The following LIMD1 variants were observed in gnomAD, a reference collection of about 807,000 sequenced individuals.
The protein encoded by LIMD1 is LIM domain containing 1.
In LIMD1, 23 loss-of-function variants were observed where a neutral mutation model predicts 58.4. The ratio of observed to expected loss-of-function variants is 0.39; its 90% CI spans 0.28 to 0.56. The LOEUF (loss-of-function observed/expected upper bound fraction) is 0.56, where lower values mean the gene tolerates loss of function less well. Among genes scored for constraint, LIMD1 ranks in the 20% least tolerant of loss-of-function variants. The pLI is 0.57. For missense variants in LIMD1, 838 were observed against 855.5 expected, an observed-to-expected ratio of 0.98 and a Z score of 0.25; for synonymous variants, 334 against 345.5, an observed-to-expected ratio of 0.97 and a Z score of 0.37.
intron 2 of LIMD1, among the ~76,000 whole-genome samples, chr3:45,649,371 CA>C (rs540594392): frequency 1.2e-3 from 178 of 151,984 alleles, no homozygotes; most frequent in African/African-American, 4.2e-3. Flanking sequence ...ATCTTTCTTT[CA>C]TTTTTTTATT....
rs1042623839 is a variant in LIMD1, at chr3:45,682,522, T to G, written c.*5463T>G. The G allele has an allele frequency of 1.3e-5, 2 of 152,480 alleles. No individual in the cohort carries two copies. The highest frequency in any genetic ancestry group is 2.9e-5 in the Non-Finnish European group (2 of 68,128). 9.4% of individuals were successfully genotyped at this position (152,480 alleles called of 1,614,324 possible). ...GGGTATCTGGTCTGGTTCTAAGTGC[T>G]GTGATGAAGCAGTAGCAGCTGTAAT... is the stretch of plus-strand genomic sequence containing the variant. On this transcript the variant is annotated 3_prime_UTR_variant, in exon 8 of 8. Transcript: ENST00000273317.
chr3:45,653,932 A>AG (rs1281109662), intron 2 of LIMD1, among the ~76,000 whole-genome samples: 2 of 136,544 alleles, frequency 1.5e-5, no homozygotes, highest in East Asian at 4.0e-4. Flanking sequence ...AAAAAGAAAA[A>AG]GAAAAAAAAA....
At chr3:45,671,085 A>T (rs79537998) in intron 4 of LIMD1, among the ~76,000 whole-genome samples, 3,824 of 152,326 alleles carry the variant, frequency 0.025, 187 homozygotes, top group African/African-American at 0.087. Flanking sequence ...GGGAAAATGC[A>T]TTCCAAGGTC....
intron 1 of LIMD1, among the ~76,000 whole-genome samples, chr3:45,599,071 A>G (rs1289532241): frequency 2.6e-5 from 4 of 152,176 alleles, no homozygotes; most frequent in African/African-American, 7.2e-5. Context: ...CTCAGGGCCC[A>G]TGTGTCTAAC....
chr3:45,667,396 C>G (rs1697534287), intron 3 of LIMD1, among the ~76,000 whole-genome samples: 1 of 152,140 alleles, frequency 6.6e-6, no homozygotes, highest in South Asian at 2.1e-4. Flanking sequence ...CTATTACCCC[C>G]AGAATGGGGC....
At chr3:45,629,201 C>T (rs1701701900) in intron 1 of LIMD1, among the ~76,000 whole-genome samples, 1 of 151,908 alleles carries the variant, frequency 6.6e-6, no homozygotes, top group African/African-American at 2.4e-5. Context: ...ATCATGAGGT[C>T]AGGAGTTCAA....
At chr3:45,667,159 C>T (rs1261230074) in intron 3 of LIMD1, among the ~76,000 whole-genome samples, 1 of 152,224 alleles carries the variant, frequency 6.6e-6, no homozygotes, top group Non-Finnish European at 1.5e-5. Flanking sequence ...GGCAAGAGTG[C>T]CAGTCCCTCC....
At chr3:45,604,532 C>T (rs755851798) in intron 1 of LIMD1, among the ~76,000 whole-genome samples, 1 of 152,136 alleles carries the variant, frequency 6.6e-6, no homozygotes, top group African/African-American at 2.4e-5. Flanking sequence ...ACAGCCAGTG[C>T]GATGGATTCA....
intron 1 of LIMD1, among the ~76,000 whole-genome samples, chr3:45,623,365 C>T (rs1701644134): frequency 6.6e-6 from 1 of 152,074 alleles, no homozygotes; most frequent in South Asian, 2.1e-4. Flanking sequence ...GGGTGGGGTG[C>T]AGGACTTGCT....
intron 3 of LIMD1, 26 bp downstream of exon 3, chr3:45,665,743 T>C (rs1697507357): frequency 1.9e-6 from 3 of 1,606,580 alleles, no homozygotes; most frequent in Non-Finnish European, 2.6e-6. Flanking sequence ...AAGCCTCCCC[T>C]TGCATGTCCT....
Position 45,595,996 on chromosome 3 carries a change from G to T in LIMD1, c.1117G>T (p.Gly373Cys). 1.2e-6 allele frequency: 2 copies of T among 1,614,196 alleles called. No homozygotes were observed. The highest frequency in any genetic ancestry group is 1.3e-5 in the African/African-American group (1 of 75,052). ...GGTCCCTGGGCTGGGGCCGAAGCCTGGCTGCACAGACCTTGGCACTGGTCC... is the reference window on the plus strand; with the variant it reads ...GGTCCCTGGGCTGGGGCCGAAGCCTTGCTGCACAGACCTTGGCACTGGTCC... ...GAVPGLGPKP[G>C]CTDLGTGPKL... Residue 373 changes from glycine to cysteine, a missense_variant, in exon 1 of 8, where the codon GGC becomes TGC. This residue lies in a region of LIMD1 where 659 missense variants were observed against 639.8 expected (regional missense o/e 1.03). Coordinates refer to ENST00000273317, the MANE Select transcript of LIMD1 (RefSeq NM_014240.3).
chr3:45,644,193 C>T (rs1038332184), intron 2 of LIMD1, among the ~76,000 whole-genome samples: 2 of 152,194 alleles, frequency 1.3e-5, no homozygotes, highest in African/African-American at 4.8e-5. Context: ...AGGTTCTTAG[C>T]GAATGAATAA....
intron 1 of LIMD1, among the ~76,000 whole-genome samples, chr3:45,624,679 C>T (rs1446628001): frequency 1.3e-5 from 2 of 152,220 alleles, no homozygotes; most frequent in South Asian, 2.1e-4. Flanking sequence ...GCCAAGATTG[C>T]GCCACTGCAC....
At chr3:45,642,088 A>G (rs1339354858) in intron 2 of LIMD1, among the ~76,000 whole-genome samples, 2 of 152,222 alleles carry the variant, frequency 1.3e-5, no homozygotes, top group South Asian at 2.1e-4. Flanking sequence ...CCCAGGCACC[A>G]TGGCAGGTTC....
rs566487076 is a variant in LIMD1 at position 45,653,586 on chromosome 3, A to G, written c.1511-12064A>G. ...CCTTCACTTGAGCCAAACCAAATTG[A>G]TTTGTTTTTAGCAATATCTTTTAAG... On this transcript the variant is annotated intron_variant, in intron 2 of 7. Transcript: ENST00000273317. Among the ~76,000 whole-genome samples the G allele has an allele frequency of 1.2e-3, 179 of 152,242 alleles. 2 individuals are homozygous for G. Among genetic ancestry groups the G allele is most frequent in the South Asian group, 3.1e-3 (15 of 4,828 alleles).
intron 1 of LIMD1, chr3:45,632,363 A>T (rs1430013238): frequency 4.9e-6 from 1 of 204,300 alleles, no homozygotes; most frequent in Non-Finnish European, 8.6e-6. Context: ...GTCACATTTG[A>T]ATTATGTCAT....
At chr3:45,656,865 T>A (rs1369220524) in intron 2 of LIMD1, among the ~76,000 whole-genome samples, 1 of 152,170 alleles carries the variant, frequency 6.6e-6, no homozygotes, top group African/African-American at 2.4e-5. Flanking sequence ...ATTGCAAGAT[T>A]AATGAAATGA....
intron 2 of LIMD1, among the ~76,000 whole-genome samples, chr3:45,662,273 CTAAG>C (rs1375005058): frequency 2.7e-5 from 3 of 109,210 alleles, no homozygotes; most frequent in East Asian, 2.9e-4. Context: ...GGTGTTTCAC[CTAAG>C]TGTGTGTGTG....
At chr3:45,673,528 C>G in intron 6 of LIMD1, 23 bp downstream of exon 6, 1 of 1,585,530 alleles carries the variant, frequency 6.3e-7, no homozygotes, top group South Asian at 1.1e-5. Context: ...TCCAGACATG[C>G]TCCCAGGGGC....
Sources: gnomAD v4.1 joint callset for allele counts (sites outside exome capture counted in the v4.1 genomes callset) on GRCh38, gnomAD v4.1.1 for gene constraint, gnomAD v4.1.1 regional missense constraint, MANE v1.5 for transcripts, NCBI Gene and HGNC (gene_info 2026-07-23, HGNC 2026-07-21) for gene names.